Variants in CLTB observed in about 807,000 individuals in gnomAD.
CLTB encodes clathrin light chain B.
CLTB carries 10 observed loss-of-function variants against 30.5 expected under a neutral mutation model. That is an observed-to-expected ratio of 0.33 (90% CI 0.20 to 0.56). The LOEUF (loss-of-function observed/expected upper bound fraction) is 0.56. Ranked by LOEUF, CLTB falls within the 20% of genes least tolerant of loss-of-function variation. CLTB has a pLI of 0.91. For missense variants in CLTB, 261 were observed against 308.3 expected, an observed-to-expected ratio of 0.85 and a Z score of 1.15; for synonymous variants, 102 against 120.3, an observed-to-expected ratio of 0.85 and a Z score of 1.00.
chr5:176,393,062 C>T lies in CLTB; in HGVS notation c.519-117G>A, dbSNP rs1756330230. The stretch of plus-strand genomic sequence containing the variant: ...GCACTGTGTCCTCCCCAGCCTTGTG[C>T]CCCCCTGACTTCAGAGGAGGGCAGC... On this transcript the variant is annotated intron_variant, in intron 5 of 5. Coordinates refer to ENST00000310418, the MANE Select transcript of CLTB (RefSeq NM_007097.5). The surrounding 1 kb of genome is among the most constrained non-coding windows in gnomAD (Gnocchi z 4.4). 2 of 1,170,698 alleles carry T rather than the reference C, an allele frequency of 1.7e-6. No homozygotes were observed. The highest frequency in any genetic ancestry group is 2.3e-5 in the East Asian group (1 of 42,588). The allele number at this position is 1,170,698 out of a possible 1,614,324, so 72.5% of individuals were successfully genotyped here.
intron 1 of CLTB, among the ~76,000 whole-genome samples, chr5:176,414,376 C>G (rs553167332): frequency 6.6e-5 from 10 of 152,068 alleles, no homozygotes; most frequent in African/African-American, 2.4e-4. Flanking sequence ...GGCAAAAGAC[C>G]CCATGCTTCT....
chr5:176,393,067 CT>C lies in CLTB; in HGVS notation c.519-123del, dbSNP rs1309150767. The stretch of plus-strand genomic sequence containing the variant: ...GTGTCCTCCCCAGCCTTGTGCCCCC[CT>C]GACTTCAGAGGAGGGCAGCCTTGGC... On this transcript the variant is annotated intron_variant, in intron 5 of 5. Coordinates refer to ENST00000310418, the MANE Select transcript of CLTB (RefSeq NM_007097.5). This position sits in a 1 kb window ranked among gnomAD's most constrained non-coding sequence, Gnocchi z 4.4. 3 of 1,137,758 alleles carry C rather than the reference CT, an allele frequency of 2.6e-6. No homozygotes were observed. Among genetic ancestry groups the C allele is most frequent in the Non-Finnish European group, 3.9e-6 (3 of 775,646 alleles). 70.5% of individuals were successfully genotyped at this position (1,137,758 alleles called of 1,614,324 possible).
At chr5:176,398,176 T>C (rs1303195291) in intron 2 of CLTB, 129 bp from the exon 3 acceptor site, 3 of 749,124 alleles carry the variant, frequency 4.0e-6, no homozygotes, top group African/African-American at 3.4e-5. Context: ...CTGTCTCTGG[T>C]GACTACACCT....
intron 4 of CLTB, among the ~76,000 whole-genome samples, chr5:176,397,325 G>C (rs1349270956): frequency 2.1e-5 from 3 of 141,160 alleles, no homozygotes; most frequent in East Asian, 4.2e-4. Flanking sequence ...TGTCCCCATA[G>C]CCCCTCTCAT....
At chr5:176,399,660 G>A (rs761083035) in intron 2 of CLTB, among the ~76,000 whole-genome samples, 13 of 151,062 alleles carry the variant, frequency 8.6e-5, no homozygotes, top group Non-Finnish European at 1.6e-4. Context: ...TTGGGAGGCC[G>A]AAGCGGGCAG....
intron 1 of CLTB, among the ~76,000 whole-genome samples, chr5:176,410,562 T>C (rs1757372845): frequency 6.6e-6 from 1 of 152,200 alleles, no homozygotes; most frequent in Non-Finnish European, 1.5e-5. Flanking sequence ...ATTTTACAGA[T>C]ACTCAAGCTG....
At chr5:176,401,391 A>G (rs1756809053) in intron 2 of CLTB, among the ~76,000 whole-genome samples, 1 of 152,232 alleles carries the variant, frequency 6.6e-6, no homozygotes, top group African/African-American at 2.4e-5. Context: ...CCACCACCCA[A>G]TCCCCACTCC....
chr5:176,414,432 C>CTT (rs59452988), intron 1 of CLTB, among the ~76,000 whole-genome samples: 10 of 134,708 alleles, frequency 7.4e-5, no homozygotes, highest in Non-Finnish European at 9.5e-5. Context: ...GCTATAGAAT[C>CTT]TTTTTTTTTT....
Position 176,416,157 on chromosome 5 carries a change from C to A in CLTB, c.187+20G>T. The A allele has an allele frequency of 6.5e-7, 1 of 1,545,198 alleles. No homozygotes were observed. The highest frequency in any genetic ancestry group is 1.2e-5 in the South Asian group (1 of 84,672). On this transcript the variant is annotated intron_variant, in intron 1 of 5. Coordinates refer to ENST00000310418, the MANE Select transcript of CLTB (RefSeq NM_007097.5). ...CGGGTGCGCGCCCTGAGCCCCTCTC[C>A]AGGCCCCGCGCTGACTCACCCCCAC...
At chr5:176,403,081 G>A (rs1433667332) in intron 2 of CLTB, among the ~76,000 whole-genome samples, 1 of 143,822 alleles carries the variant, frequency 7.0e-6, no homozygotes, top group African/African-American at 2.6e-5. Context: ...GCGGAGTCTC[G>A]CTCTGTCGCC....
chr5:176,412,083 G>C (rs1757464848), intron 1 of CLTB, among the ~76,000 whole-genome samples: 1 of 151,758 alleles, frequency 6.6e-6, no homozygotes, highest in Non-Finnish European at 1.5e-5. Flanking sequence ...GGCTGAGGCA[G>C]GAGAATGGTG....
chr5:176,404,043 C>T (rs1756975376), intron 2 of CLTB, among the ~76,000 whole-genome samples: 1 of 152,226 alleles, frequency 6.6e-6, no homozygotes, highest in Non-Finnish European at 1.5e-5. Flanking sequence ...GCATGAGCCA[C>T]CACACCCAGC....
chr5:176,406,922 G>A (rs1757154050), intron 2 of CLTB, among the ~76,000 whole-genome samples: 1 of 152,192 alleles, frequency 6.6e-6, no homozygotes, highest in Non-Finnish European at 1.5e-5. Flanking sequence ...CACCGGGTCG[G>A]AGCCCAGGAG....
chr5:176,405,489 CAAAAAAAA>C (rs988554368), intron 2 of CLTB: 5 of 52,242 alleles, frequency 9.6e-5, no homozygotes, highest in East Asian at 6.0e-4. Context: ...CCCTGTCTCT[CAAAAAAAA>C]AAAAAAAAAA....
At position 176,393,093 on chromosome 5, in the gene CLTB, C is replaced by T. The variant is rs1375928476; in HGVS notation, c.519-148G>A. 1.5e-5 allele frequency: 13 copies of T among 851,676 alleles called. No homozygotes were observed. Among genetic ancestry groups the T allele is most frequent in the East Asian group, 4.9e-5 (2 of 40,712 alleles). 52.8% of individuals were successfully genotyped at this position (851,676 alleles called of 1,614,324 possible). ...TGACTTCAGAGGAGGGCAGCCTTGG[C>T]GCAGGAGGAAGCCTAGCTTGGTCCT... On this transcript the variant is annotated intron_variant, in intron 5 of 5. Transcript: ENST00000310418. The surrounding 1 kb of genome is among the most constrained non-coding windows in gnomAD (Gnocchi z 4.4).
intron 1 of CLTB, among the ~76,000 whole-genome samples, chr5:176,411,017 C>G (rs1354035122): frequency 1.3e-5 from 2 of 152,222 alleles, no homozygotes; most frequent in Non-Finnish European, 2.9e-5. Flanking sequence ...CAGCCCAGGA[C>G]CTCACCACCT....
intron 1 of CLTB, among the ~76,000 whole-genome samples, chr5:176,412,378 T>C (rs1327249928): frequency 6.6e-6 from 1 of 152,082 alleles, no homozygotes; most frequent in Non-Finnish European, 1.5e-5. Context: ...CCAGGGTCCG[T>C]GTGTACCCCC....
intron 5 of CLTB, among the ~76,000 whole-genome samples, chr5:176,394,443 G>A (rs1454983194): frequency 2.0e-5 from 3 of 152,176 alleles, no homozygotes; most frequent in African/African-American, 4.8e-5. Context: ...AGGCAGAGGC[G>A]GGTGGATCAC....
At chr5:176,413,046 T>C (rs903076829) in intron 1 of CLTB, among the ~76,000 whole-genome samples, 3 of 152,156 alleles carry the variant, frequency 2.0e-5, no homozygotes, top group African/African-American at 7.2e-5. Context: ...TCTCTCTGCC[T>C]CAGCCTCGAG....
Sources: gnomAD v4.1 joint callset for allele counts (sites outside exome capture counted in the v4.1 genomes callset) on GRCh38, gnomAD v4.1.1 for gene constraint, Gnocchi (gnomAD v3.1) non-coding constraint, MANE v1.5 for transcripts, NCBI Gene and HGNC (gene_info 2026-07-23, HGNC 2026-07-21) for gene names.